EPHA6: variants seen among roughly 807,000 people sequenced by gnomAD.
EPHA6 encodes EPH receptor A6.
A neutral mutation model predicts 112.0 loss-of-function variants in EPHA6; 50 were observed. The observed-to-expected ratio is 0.45, with a 90% CI of 0.36 to 0.56. The LOEUF (loss-of-function observed/expected upper bound fraction) is 0.56, where lower values mean the gene tolerates loss of function less well. Ranked by LOEUF, EPHA6 falls within the 20% of genes least tolerant of loss-of-function variation. EPHA6 has a pLI of 0.00. For missense variants in EPHA6, 1,280 were observed against 1,417.4 expected (o/e 0.90, Z 1.56); for synonymous variants, 529 against 490.7 (o/e 1.08, Z -1.03).
At chr3:97,619,822 G>T (rs1255624866) in intron 13 of EPHA6, among the ~76,000 whole-genome samples, 1 of 152,050 alleles carries the variant, frequency 6.6e-6, no homozygotes, top group Non-Finnish European at 1.5e-5. Flanking sequence ...AATCAATATT[G>T]TTAAAGTGGC....
intron 3 of EPHA6, among the ~76,000 whole-genome samples, chr3:97,177,572 A>C (rs550412596): frequency 6.6e-6 from 1 of 151,828 alleles, no homozygotes; most frequent in African/African-American, 2.4e-5. Flanking sequence ...TTTGGTTCAT[A>C]TATGTTTACA....
At chr3:97,318,630 A>G (rs546953470) in intron 5 of EPHA6, among the ~76,000 whole-genome samples, 15 of 152,114 alleles carry the variant, frequency 9.9e-5, no homozygotes, top group African/African-American at 3.6e-4. Flanking sequence ...TCTAATTTAA[A>G]AGGAATGATG....
At chr3:97,025,689 A>G (rs755879840) in intron 3 of EPHA6, among the ~76,000 whole-genome samples, 5 of 152,106 alleles carry the variant, frequency 3.3e-5, no homozygotes, top group Non-Finnish European at 7.4e-5. Context: ...CCTGGGTTCA[A>G]GCAATTCTTC....
chr3:96,921,921 C>A (rs1333599123), intron 2 of EPHA6, among the ~76,000 whole-genome samples: 1 of 151,994 alleles, frequency 6.6e-6, no homozygotes, highest in Non-Finnish European at 1.5e-5. Context: ...ACACAGAAGC[C>A]AGCTTGATGG....
chr3:97,023,498 A>C (rs2044532137), intron 3 of EPHA6, among the ~76,000 whole-genome samples: 1 of 151,952 alleles, frequency 6.6e-6, no homozygotes, highest in Admixed American at 6.6e-5. Flanking sequence ...TTATCTTTAT[A>C]ATTTACCTTC....
chr3:97,080,820 T>C (rs2046696434), intron 3 of EPHA6, among the ~76,000 whole-genome samples: 1 of 151,996 alleles, frequency 6.6e-6, no homozygotes, highest in South Asian at 2.1e-4. Context: ...ACTGAGTAAT[T>C]ATACATCACA....
chr3:97,438,397 T>C (rs991416047), intron 6 of EPHA6, among the ~76,000 whole-genome samples: 2 of 152,200 alleles, frequency 1.3e-5, no homozygotes, highest in African/African-American at 4.8e-5. Context: ...GACATAATAT[T>C]ATTACATTTA....
intron 3 of EPHA6, among the ~76,000 whole-genome samples, chr3:97,121,437 G>A (rs1409979728): frequency 6.6e-6 from 1 of 152,054 alleles, no homozygotes; most frequent in Non-Finnish European, 1.5e-5. Context: ...CTCTTGGGAT[G>A]GAAGAGGTGA....
At chr3:97,688,100 G>T (rs1310409986) in intron 14 of EPHA6, among the ~76,000 whole-genome samples, 1 of 152,092 alleles carries the variant, frequency 6.6e-6, no homozygotes, top group Non-Finnish European at 1.5e-5. Context: ...TAGTATTATT[G>T]TGTATTATTG....
intron 5 of EPHA6, among the ~76,000 whole-genome samples, chr3:97,273,743 G>T (rs995985393): frequency 6.6e-6 from 1 of 152,142 alleles, no homozygotes. Flanking sequence ...ACTAATAAAG[G>T]CTGGTCTGCT....
chr3:97,146,215 C>T (rs2076040407), intron 3 of EPHA6, among the ~76,000 whole-genome samples: 3 of 151,768 alleles, frequency 2.0e-5, no homozygotes. Context: ...ATCCTAGTTT[C>T]CATGACAAAG....
intron 5 of EPHA6, among the ~76,000 whole-genome samples, chr3:97,343,422 G>T (rs1441582675): frequency 2.0e-5 from 3 of 152,088 alleles, no homozygotes; most frequent in Non-Finnish European, 4.4e-5. Flanking sequence ...AAATGAAAAA[G>T]GGAAGAAATG....
At chr3:97,744,586 A>G (rs553346331) in intron 16 of EPHA6, among the ~76,000 whole-genome samples, 90 of 152,132 alleles carry the variant, frequency 5.9e-4, no homozygotes, top group African/African-American at 2.2e-3. Context: ...AGATGCGTGG[A>G]GAGAAAGGGA....
chr3:97,598,756 T>A (rs1014367757), intron 12 of EPHA6, among the ~76,000 whole-genome samples: 5 of 151,462 alleles, frequency 3.3e-5, no homozygotes, highest in African/African-American at 1.2e-4. Flanking sequence ...AGCAGCATGA[T>A]TTATAGTCAT....
In EPHA6 at chr3:97,759,965, T is replaced by C. The variant is rs564511500; in HGVS notation, c.*11264T>C. ...AGAGATTGAGAACTTCTCAATGCCATAAATACTGTTTTCCTTATTTTCATC... is the reference window on the plus strand; with the variant it reads ...AGAGATTGAGAACTTCTCAATGCCACAAATACTGTTTTCCTTATTTTCATC... On this transcript the variant is annotated 3_prime_UTR_variant, in exon 18 of 18. Coordinates refer to ENST00000389672, the MANE Select transcript of EPHA6 (RefSeq NM_001080448.3). 1 of 192,124 alleles carries C rather than the reference T, an allele frequency of 5.2e-6. No homozygotes were observed. The highest frequency in any genetic ancestry group is 1.9e-4 in the South Asian group (1 of 5,192). 11.9% of individuals were successfully genotyped at this position (192,124 alleles called of 1,614,324 possible). A position where few individuals can be genotyped will look rare whatever the true frequency, so the allele number is the denominator to read the frequency against.
intron 5 of EPHA6, among the ~76,000 whole-genome samples, chr3:97,252,726 C>A (rs2079178628): frequency 6.6e-6 from 1 of 152,140 alleles, no homozygotes; most frequent in South Asian, 2.1e-4. Context: ...TCCTAGAGCC[C>A]AGGCAACCAT....
At chr3:96,817,964 C>T (rs1453857424) in intron 1 of EPHA6, among the ~76,000 whole-genome samples, 4 of 151,788 alleles carry the variant, frequency 2.6e-5, no homozygotes, top group Non-Finnish European at 5.9e-5. Flanking sequence ...TGAACCAAAC[C>T]TCCTTGAATC....
intron 3 of EPHA6, among the ~76,000 whole-genome samples, chr3:97,165,478 G>A (rs962325679): frequency 3.9e-5 from 6 of 152,124 alleles, no homozygotes; most frequent in African/African-American, 1.4e-4. Context: ...GCTGCAGGTG[G>A]CATTAAGATC....
intron 3 of EPHA6, among the ~76,000 whole-genome samples, chr3:97,189,679 T>C (rs891096957): frequency 1.3e-5 from 2 of 152,080 alleles, no homozygotes; most frequent in Non-Finnish European, 1.5e-5. Flanking sequence ...CTCTCCACTT[T>C]GGAGATTATA....
Sources: allele counts gnomAD v4.1 joint callset (sites outside exome capture counted in the v4.1 genomes callset), GRCh38; gene constraint gnomAD v4.1.1; transcripts MANE v1.5; gene names NCBI Gene and HGNC (gene_info 2026-07-23, HGNC 2026-07-21).